NR6A1: variants seen among roughly 807,000 people sequenced by gnomAD.
NR6A1 encodes nuclear receptor subfamily 6 group A member 1.
In NR6A1, 7 loss-of-function variants were observed where a neutral mutation model predicts 59.1. That is an observed-to-expected ratio of 0.12 (90% confidence interval 0.07 to 0.22). The LOEUF is 0.22. NR6A1 is among the 10% of genes least tolerant of loss of function. The pLI is 1.00. For synonymous variants in NR6A1, 243 were observed against 236.1 expected (o/e 1.03, Z -0.27); for missense variants, 468 against 611.6 (o/e 0.77, Z 2.48).
intron 2 of NR6A1, among the ~76,000 whole-genome samples, chr9:124,732,355 G>A (rs1291056341): frequency 6.6e-6 from 1 of 152,206 alleles, no homozygotes; most frequent in Non-Finnish European, 1.5e-5. Context: ...AATAAGGTCT[G>A]TATACACTGG....
chr9:124,654,155 G>T (rs186284934), intron 2 of NR6A1, among the ~76,000 whole-genome samples: 1 of 152,122 alleles, frequency 6.6e-6, no homozygotes, highest in African/African-American at 2.4e-5. Flanking sequence ...ACACTCAAAG[G>T]TGGCCACTGA....
chr9:124,741,366 G>C (rs1305147599), intron 1 of NR6A1, among the ~76,000 whole-genome samples: 1 of 152,230 alleles, frequency 6.6e-6, no homozygotes, highest in African/African-American at 2.4e-5. Context: ...GCTGTTATAA[G>C]AATAGGTCCA....
At chr9:124,735,201 C>G (rs1235967241) in intron 1 of NR6A1, among the ~76,000 whole-genome samples, 2 of 152,182 alleles carry the variant, frequency 1.3e-5, no homozygotes, top group African/African-American at 4.8e-5. Flanking sequence ...ATGCCACATT[C>G]TTTCTTGCCT....
chr9:124,744,103 G>A (rs1840255227), intron 1 of NR6A1, among the ~76,000 whole-genome samples: 1 of 152,122 alleles, frequency 6.6e-6, no homozygotes, highest in Non-Finnish European at 1.5e-5. Flanking sequence ...AGCTGGGCGT[G>A]GTGGCATGCA....
chr9:124,665,608 T>C (rs892110634), intron 2 of NR6A1, among the ~76,000 whole-genome samples: 9 of 152,232 alleles, frequency 5.9e-5, no homozygotes, highest in African/African-American at 2.2e-4. Flanking sequence ...ACAGGAGCAT[T>C]AAATGTAAAG....
At chr9:124,564,257 C>T (rs995502709) in intron 2 of NR6A1, among the ~76,000 whole-genome samples, 9 of 152,110 alleles carry the variant, frequency 5.9e-5, no homozygotes, top group African/African-American at 2.2e-4. Flanking sequence ...AACAATCACA[C>T]TGAATCATAA....
intron 2 of NR6A1, among the ~76,000 whole-genome samples, chr9:124,571,330 C>T (rs1382551589): frequency 1.3e-5 from 2 of 152,096 alleles, no homozygotes; most frequent in African/African-American, 4.8e-5. Flanking sequence ...TTAGATTGAC[C>T]TGAGGAGTCC....
rs190668945 is a variant in NR6A1 at position 124,696,238 on chromosome 9, G to A, written c.142+37070C>T. ...GAGACAATGAAAGCAAGACTGGGAA[G>A]AGTCACTAAGCAGATGAAGTGAGGG... On this transcript the variant is annotated intron_variant, in intron 2 of 9. Transcript: ENST00000487099. Among the ~76,000 whole-genome samples the A allele has an allele frequency of 3.2e-3, 493 of 152,268 alleles. 2 individuals are homozygous for A. The highest frequency in any genetic ancestry group is 5.9e-3 in the Admixed American group (90 of 15,300).
chr9:124,688,187 T>C (rs1278765010), intron 2 of NR6A1, among the ~76,000 whole-genome samples: 2 of 152,058 alleles, frequency 1.3e-5, no homozygotes, highest in African/African-American at 4.8e-5. Context: ...CAGCCAGGCA[T>C]GGTGGCATGC....
intron 2 of NR6A1, among the ~76,000 whole-genome samples, chr9:124,590,188 G>A (rs1422422348): frequency 2.7e-5 from 4 of 149,118 alleles, no homozygotes; most frequent in African/African-American, 9.9e-5. Context: ...TGCTAACAGA[G>A]AAACAGAAAA....
At chr9:124,701,739 T>C (rs1564244938) in intron 2 of NR6A1, among the ~76,000 whole-genome samples, 1 of 152,212 alleles carries the variant, frequency 6.6e-6, no homozygotes, top group Non-Finnish European at 1.5e-5. Flanking sequence ...TTTTTTTCTT[T>C]TGAGTCGGAG....
chr9:124,655,108 C>A (rs1837220210), intron 2 of NR6A1, among the ~76,000 whole-genome samples: 2 of 152,156 alleles, frequency 1.3e-5, no homozygotes, highest in African/African-American at 4.8e-5. Flanking sequence ...ACGAGCCAAG[C>A]TTTCCTCTGA....
In NR6A1 at chr9:124,661,892, T is replaced by G. The variant is rs575934856; in HGVS notation, c.142+71416A>C. Among the ~76,000 whole-genome samples the G allele has an allele frequency of 6.0e-4, 92 of 152,316 alleles. 1 individual carries two copies. The South Asian group carries it at 0.018, about 30-fold the overall frequency. ...ACTATCATATGGGATAGCCCAGATA[T>G]AAGACATTTCTATCACTGCAGAAAG... is the stretch of plus-strand genomic sequence containing the variant. On this transcript the variant is annotated intron_variant, in intron 2 of 9. Transcript: ENST00000487099.
chr9:124,682,490 C>G (rs764034672), intron 2 of NR6A1, among the ~76,000 whole-genome samples: 4 of 152,070 alleles, frequency 2.6e-5, no homozygotes, highest in Non-Finnish European at 4.4e-5. Flanking sequence ...ATTCAGCTAT[C>G]CTTTATGAAG....
intron 2 of NR6A1, among the ~76,000 whole-genome samples, chr9:124,566,976 C>T (rs533827160): frequency 1.5e-4 from 23 of 150,980 alleles, no homozygotes; most frequent in Non-Finnish European, 2.4e-4. Flanking sequence ...GGCGTAGTGG[C>T]GGGCGCCTGT....
At chr9:124,665,008 TCCAAAAAAA>T (rs1283619685) in intron 2 of NR6A1, among the ~76,000 whole-genome samples, 7 of 24,680 alleles carry the variant, frequency 2.8e-4, no homozygotes, top group South Asian at 1.4e-3. Context: ...TCCTTGTATC[TCCAAAAAAA>T]AAAAAAAAAA....
chr9:124,625,431 G>A (rs1342141668), intron 2 of NR6A1, among the ~76,000 whole-genome samples: 1 of 152,136 alleles, frequency 6.6e-6, no homozygotes, highest in Non-Finnish European at 1.5e-5. Flanking sequence ...AGGCTCAAGC[G>A]AGCCTCCTGC....
At chr9:124,736,474 T>C (rs1381599014) in intron 1 of NR6A1, among the ~76,000 whole-genome samples, 3 of 152,200 alleles carry the variant, frequency 2.0e-5, no homozygotes, top group Non-Finnish European at 4.4e-5. Context: ...AAAGGCCACA[T>C]GATCCAAGGA....
intron 7 of NR6A1, among the ~76,000 whole-genome samples, chr9:124,534,998 C>G (rs1308407188): frequency 6.6e-6 from 1 of 152,078 alleles, no homozygotes; most frequent in Non-Finnish European, 1.5e-5. Context: ...GTGGCGGGCC[C>G]CTATAGTCCC....
Sources: allele counts gnomAD v4.1 joint callset (sites outside exome capture counted in the v4.1 genomes callset), GRCh38; gene constraint gnomAD v4.1.1; transcripts MANE v1.5; gene names NCBI Gene and HGNC (gene_info 2026-07-23, HGNC 2026-07-21).